The following DFFA variants were observed in gnomAD, a reference collection of about 807,000 sequenced individuals.
DFFA encodes DFF45.
DFFA carries 14 observed loss-of-function variants against 28.0 expected under a neutral mutation model. The observed-to-expected ratio is 0.50, with a 90% confidence interval of 0.33 to 0.78. The LOEUF is 0.78. DFFA is among the 30% of genes least tolerant of loss of function. The pLI is 0.02. For synonymous variants in DFFA, 158 were observed against 170.3 expected (o/e 0.93, Z 0.56); for missense variants, 395 against 407.1 (o/e 0.97, Z 0.26).
chr1:10,464,788 T>C (rs2124342714), intron 3 of DFFA, among the ~76,000 whole-genome samples: 1 of 152,290 alleles, frequency 6.6e-6, no homozygotes, highest in African/African-American at 2.4e-5. Context: ...TGTTCCAGTC[T>C]AGAGTAGCCT....
chr1:10,466,022 C>T (rs1641016871), intron 3 of DFFA, among the ~76,000 whole-genome samples: 1 of 151,064 alleles, frequency 6.6e-6, no homozygotes, highest in Non-Finnish European at 1.5e-5. Context: ...GTGGTGCAAG[C>T]CTACAGTCTC....
chr1:10,467,589 C>A (rs1025073819), intron 2 of DFFA, among the ~76,000 whole-genome samples: 4 of 151,886 alleles, frequency 2.6e-5, no homozygotes, highest in Non-Finnish European at 1.5e-5. Flanking sequence ...TGGCTCACTG[C>A]AACCTCCACT....
rs1640933645 is a variant in DFFA at position 10,461,349 on chromosome 1, T to C, written c.*141A>G. The C allele has an allele frequency of 2.9e-6, 4 of 1,398,206 alleles. No individual in the cohort carries two copies. Among genetic ancestry groups the C allele is most frequent in the South Asian group, 3.1e-5 (2 of 65,340 alleles). 86.6% of individuals were successfully genotyped at this position (1,398,206 alleles called of 1,614,324 possible). ...AAAAAAAAATTGGTGGAACGGCGTA[T>C]GTTGAGACCTGGAATAGCTTCTCTG... On this transcript the variant is annotated 3_prime_UTR_variant, in exon 6 of 6. Coordinates refer to ENST00000377038, the MANE Select transcript of DFFA (RefSeq NM_004401.3).
rs1640898433 is a variant in DFFA at position 10,459,447 on chromosome 1, A to G, written c.*2043T>C. On this transcript the variant is annotated 3_prime_UTR_variant, in exon 6 of 6. Transcript: ENST00000377038. ...TGATAAAGCAATTAGAAAACTGAAG[A>G]GTTTCACGGTGGTGAGATAGAATTT... is the stretch of plus-strand genomic sequence containing the variant. 1.3e-5 allele frequency: 2 copies of G among 152,192 alleles called. No homozygotes were observed. The highest frequency in any genetic ancestry group is 6.5e-5 in the Admixed American group (1 of 15,278). 9.4% of individuals were successfully genotyped at this position (152,192 alleles called of 1,614,324 possible).
chr1:10,466,952 C>CAAAAAAAAAAAAAAAAAA (rs34597195), intron 3 of DFFA, among the ~76,000 whole-genome samples: 1 of 32,724 alleles, frequency 3.1e-5, no homozygotes, highest in African/African-American at 8.0e-5. Context: ...GACTGTGTCT[C>CAAAAAAAAAAAAAAAAAA]AAAAAAAAAA....
intron 5 of DFFA, among the ~76,000 whole-genome samples, chr1:10,462,118 A>G (rs1472809151): frequency 6.6e-6 from 1 of 151,936 alleles, no homozygotes; most frequent in Non-Finnish European, 1.5e-5. Flanking sequence ...TTGGCCTCCC[A>G]AAGTGCTGGG....
At position 10,461,506 on chromosome 1, in the gene DFFA, C is replaced by T. The variant is rs1279195328; in HGVS notation, c.980G>A (p.Arg327Lys). The change falls in exon 6 of 6, where the codon AGA (arginine) becomes AAA (lysine). Residue 327 changes from arginine to lysine, a missense_variant. Transcript: ENST00000377038. ...PGDLQNPKRA[R>K]QDPT ...CCGCTGCTGCTATGTGGGATCCTGT[C>T]TGGCTCGCTTAGGATTCTGCAGGTC... is the stretch of plus-strand genomic sequence containing the variant. The T allele has an allele frequency of 1.2e-6, 2 of 1,614,038 alleles. No individual in the cohort carries two copies. Among genetic ancestry groups the T allele is most frequent in the Non-Finnish European group, 1.7e-6 (2 of 1,179,946 alleles).
At chr1:10,466,978 A>AAAAAAAAAAAAAG (rs1641031965) in intron 3 of DFFA, among the ~76,000 whole-genome samples, 1 of 150,610 alleles carries the variant, frequency 6.6e-6, no homozygotes, top group African/African-American at 2.5e-5. Context: ...AAAAAAAAAA[A>AAAAAAAAAAAAAG]ATCCACAGGT....
At chr1:10,468,629 A>C (rs1050494420) in intron 2 of DFFA, among the ~76,000 whole-genome samples, 10 of 152,120 alleles carry the variant, frequency 6.6e-5, no homozygotes, top group African/African-American at 2.4e-4. Flanking sequence ...GCCAGGATCC[A>C]GACCTCAACA....
intron 3 of DFFA, among the ~76,000 whole-genome samples, chr1:10,465,627 G>A (rs899936375): frequency 6.6e-6 from 1 of 151,966 alleles, no homozygotes; most frequent in African/African-American, 2.4e-5. Context: ...TCTTGACATC[G>A]TGATCTGCCC....
Position 10,472,177 on chromosome 1 carries a change from A to G in DFFA, c.136+146T>C, listed in dbSNP as rs570993490. ...AAGCGCCTTAAATCTGTAAATCGCT[A>G]TGCCCACTCGGACCGTTTCTGTCCC... On this transcript the variant is annotated intron_variant, in intron 1 of 5. Coordinates refer to ENST00000377038, the MANE Select transcript of DFFA (RefSeq NM_004401.3). This position sits in a 1 kb window ranked among gnomAD's most constrained non-coding sequence, Gnocchi z 5.0. 2.1e-6 allele frequency: 2 copies of G among 954,946 alleles called. No homozygotes were observed. Among genetic ancestry groups the G allele is most frequent in the East Asian group, 5.9e-5 (2 of 33,928 alleles). 59.2% of individuals were successfully genotyped at this position (954,946 alleles called of 1,614,324 possible). A position where few individuals can be genotyped will look rare whatever the true frequency, so the allele number is the denominator to read the frequency against.
rs749984566 is a variant in DFFA, at chr1:10,461,647, T to C, written c.839A>G (p.Lys280Arg). The C allele has an allele frequency of 6.2e-7, 1 of 1,614,232 alleles. No homozygotes were observed. The highest frequency in any genetic ancestry group is 1.1e-5 in the South Asian group (1 of 91,084). Residue 280 changes from lysine (K) to arginine (R), a missense_variant, in exon 6 of 6, where the codon AAG becomes AGG. Physicochemically the swap from Lys to Arg is conservative, Grantham distance 26 (BLOSUM62 2). Coordinates refer to ENST00000377038, the MANE Select transcript of DFFA (RefSeq NM_004401.3). ...ALAVALNWDI[K>R]KTETVQEACE... ...GGCCTCCTGAACAGTCTCCGTCTTC[T>C]TTATGTCCCAGTTCAAGGCAACAGC... is the stretch of plus-strand genomic sequence containing the variant.
chr1:10,472,518 C>A lies in DFFA; in HGVS notation c.-60G>T. 1 of 1,534,030 alleles carries A rather than the reference C, an allele frequency of 6.5e-7. No homozygotes were observed. The highest frequency in any genetic ancestry group is 1.4e-5 in the African/African-American group (1 of 72,130). On this transcript the variant is annotated 5_prime_UTR_variant, in exon 1 of 6. The change creates a new upstream start codon in the 5' untranslated region. Transcript: ENST00000377038. The surrounding 1 kb of genome is among the most constrained non-coding windows in gnomAD (Gnocchi z 5.0). ...GTCGCGGGAGGCCGGAGCGGCGGTC[C>A]TTCTACTCGACCCCCTTCCGCAGCC...
intron 3 of DFFA, 69 bp from the exon 4 acceptor site, chr1:10,463,689 G>C: frequency 6.8e-7 from 1 of 1,462,762 alleles, no homozygotes; most frequent in East Asian, 2.3e-5. Flanking sequence ...TTTTTGAGAC[G>C]GAGTCTGCTC....
chr1:10,469,146 G>A (rs1641059988), intron 2 of DFFA, 31 bp downstream of exon 2: 1 of 1,610,620 alleles, frequency 6.2e-7, no homozygotes. Flanking sequence ...GTACTGCATA[G>A]GCCGTTTTAT....
chr1:10,461,744 G>A, intron 5 of DFFA, 42 bp from the exon 6 acceptor site: 5 of 1,607,794 alleles, frequency 3.1e-6, no homozygotes, highest in South Asian at 1.1e-5. Context: ...GGCCTTCTGT[G>A]CGCCTCTCCT....
intron 2 of DFFA, 63 bp from the exon 3 acceptor site, chr1:10,467,395 C>T: frequency 6.4e-7 from 1 of 1,561,550 alleles, no homozygotes; most frequent in East Asian, 2.2e-5. Flanking sequence ...ACCTCCTCCC[C>T]CAGCACACAC....
intron 3 of DFFA, among the ~76,000 whole-genome samples, chr1:10,466,031 T>A (rs1641017060): frequency 6.7e-6 from 1 of 150,140 alleles, no homozygotes; most frequent in African/African-American, 2.4e-5. Context: ...GCCTACAGTC[T>A]CAGCTACCTG....
intron 1 of DFFA, among the ~76,000 whole-genome samples, chr1:10,471,975 T>TG (rs1269177311): frequency 6.6e-6 from 1 of 152,084 alleles, no homozygotes; most frequent in East Asian, 1.9e-4. Context: ...TGGGCTCAGC[T>TG]GGGGGTTCTT....
Sources: allele counts gnomAD v4.1 joint callset (sites outside exome capture counted in the v4.1 genomes callset), GRCh38; gene constraint gnomAD v4.1.1; non-coding constraint Gnocchi (gnomAD v3.1); transcripts MANE v1.5; gene names NCBI Gene and HGNC (gene_info 2026-07-23, HGNC 2026-07-21).